Variants in ATRNL1 observed in about 807,000 individuals in gnomAD.
The protein encoded by ATRNL1 is attractin-like protein 1.
In ATRNL1, 95 loss-of-function variants were observed where a neutral mutation model predicts 182.7. The ratio of observed to expected loss-of-function variants is 0.52; its 90% CI spans 0.44 to 0.62. The LOEUF is 0.62. Among genes scored for constraint, ATRNL1 ranks in the 20% least tolerant of loss-of-function variants. The probability of loss-of-function intolerance (pLI) is 0.00; values close to 1 mark genes in which losing one functional copy is unlikely to be tolerated. For missense variants in ATRNL1, 1,471 were observed against 1,679.5 expected, an observed-to-expected ratio of 0.88 and a Z score of 2.17; for synonymous variants, 576 against 568.3, an observed-to-expected ratio of 1.01 and a Z score of -0.19.
At chr10:115,429,528 A>C (rs1392507896) in intron 21 of ATRNL1, among the ~76,000 whole-genome samples, 1 of 152,114 alleles carries the variant, frequency 6.6e-6, no homozygotes, top group Non-Finnish European at 1.5e-5. Context: ...ATTTTGTGAC[A>C]AGGTTATATC....
chr10:115,682,172 C>A (rs1555044937), intron 26 of ATRNL1, among the ~76,000 whole-genome samples: 1 of 152,164 alleles, frequency 6.6e-6, no homozygotes, highest in Non-Finnish European at 1.5e-5. Flanking sequence ...CCTAGCTCCA[C>A]AACTTACTGT....
chr10:115,210,012 C>T (rs1409654713), intron 8 of ATRNL1, among the ~76,000 whole-genome samples: 1 of 151,902 alleles, frequency 6.6e-6, no homozygotes, highest in Non-Finnish European at 1.5e-5. Context: ...TGGTGTTAGA[C>T]CTGTGTCTTC....
intron 7 of ATRNL1, among the ~76,000 whole-genome samples, chr10:115,166,020 C>T (rs1847022711): frequency 6.6e-6 from 1 of 152,092 alleles, no homozygotes; most frequent in South Asian, 2.1e-4. Flanking sequence ...ATCTTCAGAA[C>T]ATTTTTCATC....
chr10:115,553,137 T>C (rs1853096882), intron 26 of ATRNL1, among the ~76,000 whole-genome samples: 1 of 151,356 alleles, frequency 6.6e-6, no homozygotes, highest in Admixed American at 6.6e-5. Context: ...AATTGTTCCC[T>C]GCAATGAAGA....
intron 26 of ATRNL1, among the ~76,000 whole-genome samples, chr10:115,611,586 T>C (rs1166222416): frequency 2.0e-5 from 3 of 152,128 alleles, no homozygotes; most frequent in Non-Finnish European, 4.4e-5. Context: ...GAAATAAATA[T>C]TTTTTATAAC....
chr10:115,282,778 C>G (rs931800812), intron 14 of ATRNL1, among the ~76,000 whole-genome samples: 26 of 122,026 alleles, frequency 2.1e-4, no homozygotes, highest in African/African-American at 6.2e-4. Flanking sequence ...AGTATTTTAC[C>G]TCTCTTTATC....
intron 20 of ATRNL1, among the ~76,000 whole-genome samples, chr10:115,398,528 A>G (rs868937265): frequency 6.6e-6 from 1 of 151,978 alleles, no homozygotes; most frequent in Non-Finnish European, 1.5e-5. Context: ...TTATTAGTGT[A>G]TAGGAATGCT....
intron 25 of ATRNL1, among the ~76,000 whole-genome samples, chr10:115,534,221 A>G (rs1305723921): frequency 2.7e-5 from 4 of 150,824 alleles, no homozygotes; most frequent in African/African-American, 9.8e-5. Context: ...GTCTCCCATT[A>G]TTATTGTGTG....
intron 24 of ATRNL1, among the ~76,000 whole-genome samples, chr10:115,477,878 G>C (rs1554973474): frequency 6.6e-6 from 1 of 151,670 alleles, no homozygotes; most frequent in Admixed American, 6.6e-5. Flanking sequence ...CTGCTGCAAA[G>C]TGAATTATAT....
chr10:115,785,742 T>C (rs1949380641), intron 27 of ATRNL1, among the ~76,000 whole-genome samples: 2 of 152,218 alleles, frequency 1.3e-5, no homozygotes, highest in African/African-American at 4.8e-5. Flanking sequence ...TGGTTTGTTT[T>C]TGCTTAACAG....
At chr10:115,427,903 T>G (rs1845977011) in intron 21 of ATRNL1, among the ~76,000 whole-genome samples, 1 of 151,802 alleles carries the variant, frequency 6.6e-6, no homozygotes, top group Non-Finnish European at 1.5e-5. Context: ...GACTACTCTT[T>G]TTTTTTTTGC....
chr10:115,542,417 A>G (rs782288799), intron 25 of ATRNL1, among the ~76,000 whole-genome samples: 1 of 152,054 alleles, frequency 6.6e-6, no homozygotes, highest in Non-Finnish European at 1.5e-5. Flanking sequence ...TCCAATTTAA[A>G]TGGGATTTAT....
At chr10:115,233,112 C>T (rs542171848) in intron 9 of ATRNL1, among the ~76,000 whole-genome samples, 3 of 152,082 alleles carry the variant, frequency 2.0e-5, no homozygotes, top group South Asian at 4.1e-4. Context: ...ATGGACTTCT[C>T]CTTGTGTGTT....
At chr10:115,482,887 G>A (rs1848836791) in intron 24 of ATRNL1, among the ~76,000 whole-genome samples, 1 of 151,224 alleles carries the variant, frequency 6.6e-6, no homozygotes, top group African/African-American at 2.4e-5. Context: ...CCTAGATATT[G>A]AATAATTCGT....
intron 1 of ATRNL1, among the ~76,000 whole-genome samples, chr10:115,101,665 A>G (rs1431571690): frequency 1.3e-5 from 2 of 152,144 alleles, no homozygotes; most frequent in African/African-American, 4.8e-5. Flanking sequence ...CACTTTTCTT[A>G]TAATATATGA....
chr10:115,420,619 A>G (rs1845608670), intron 20 of ATRNL1, among the ~76,000 whole-genome samples: 1 of 152,180 alleles, frequency 6.6e-6, no homozygotes, highest in Admixed American at 6.6e-5. Context: ...AATATCTCAA[A>G]TAAACAGCCT....
intron 5 of ATRNL1, among the ~76,000 whole-genome samples, chr10:115,133,303 A>T (rs955580285): frequency 2.6e-5 from 4 of 151,970 alleles, no homozygotes; most frequent in Non-Finnish European, 5.9e-5. Flanking sequence ...CTCTGTTTTG[A>T]TACCAGTACC....
At chr10:115,834,062 C>T (rs1440026937) in intron 27 of ATRNL1, among the ~76,000 whole-genome samples, 3 of 152,122 alleles carry the variant, frequency 2.0e-5, no homozygotes, top group African/African-American at 4.8e-5. Flanking sequence ...TGCCAGCGAC[C>T]GACTGTCTTT....
intron 14 of ATRNL1, among the ~76,000 whole-genome samples, chr10:115,284,310 A>G (rs1852506388): frequency 6.6e-6 from 1 of 152,246 alleles, no homozygotes; most frequent in Non-Finnish European, 1.5e-5. Flanking sequence ...TCACTAAAAA[A>G]TAAATGAGGA....
Sources: allele counts gnomAD v4.1 joint callset (sites outside exome capture counted in the v4.1 genomes callset), GRCh38; gene constraint gnomAD v4.1.1; transcripts MANE v1.5; gene names NCBI Gene and HGNC (gene_info 2026-07-23, HGNC 2026-07-21).